The following SFMBT1 variants were observed in gnomAD, a reference collection of about 807,000 sequenced individuals.
SFMBT1 encodes Scm like with four mbt domains 1, also known as scm-like with four MBT domains protein 1.
SFMBT1 carries 32 observed loss-of-function variants against 108.7 expected under a neutral mutation model. The ratio of observed to expected loss-of-function variants is 0.29; its 90% CI spans 0.22 to 0.40. The LOEUF (loss-of-function observed/expected upper bound fraction) is 0.40, where lower values mean the gene tolerates loss of function less well. Among genes scored for constraint, SFMBT1 ranks in the 10% least tolerant of loss-of-function variants. The pLI is 1.00. For missense variants in SFMBT1, 816 were observed against 1,059.6 expected, an observed-to-expected ratio of 0.77 and a Z score of 3.19; for synonymous variants, 348 against 369.5, an observed-to-expected ratio of 0.94 and a Z score of 0.67.
intron 1 of SFMBT1, among the ~76,000 whole-genome samples, chr3:53,007,992 G>T (rs1244063310): frequency 6.6e-6 from 1 of 151,246 alleles, no homozygotes; most frequent in Non-Finnish European, 1.5e-5. Flanking sequence ...AAAGTCAAAA[G>T]AAGGCTGAGA....
chr3:52,977,795 A>G (rs1303856174), intron 1 of SFMBT1, among the ~76,000 whole-genome samples: 1 of 152,224 alleles, frequency 6.6e-6, no homozygotes, highest in African/African-American at 2.4e-5. Flanking sequence ...ATACATCCAA[A>G]TCATTAACAG....
intron 10 of SFMBT1, among the ~76,000 whole-genome samples, chr3:52,924,923 T>C (rs1702616390): frequency 6.6e-6 from 1 of 151,928 alleles, no homozygotes; most frequent in South Asian, 2.1e-4. Context: ...AAAGAAACAA[T>C]CATAAAATAC....
chr3:53,020,160 A>C (rs1253439327), intron 1 of SFMBT1, among the ~76,000 whole-genome samples: 1 of 151,920 alleles, frequency 6.6e-6, no homozygotes, highest in Non-Finnish European at 1.5e-5. Context: ...AGGCCGAGGC[A>C]GGCGGATCAC....
At chr3:52,978,877 C>T (rs1278670477) in intron 1 of SFMBT1, among the ~76,000 whole-genome samples, 1 of 152,082 alleles carries the variant, frequency 6.6e-6, no homozygotes, top group African/African-American at 2.4e-5. Context: ...TTATACGCTT[C>T]CATTTATATA....
intron 1 of SFMBT1, among the ~76,000 whole-genome samples, chr3:53,038,816 T>C (rs1699945910): frequency 6.6e-6 from 1 of 152,246 alleles, no homozygotes; most frequent in Non-Finnish European, 1.5e-5. Flanking sequence ...GAGTGAAATA[T>C]GGCAAAACCT....
chr3:53,019,915 G>A (rs753788756), intron 1 of SFMBT1, among the ~76,000 whole-genome samples: 10 of 152,042 alleles, frequency 6.6e-5, no homozygotes, highest in Admixed American at 1.3e-4. Context: ...TTACCACTTC[G>A]GCTTCTTTCC....
At chr3:52,948,967 T>C (rs1478935447) in intron 3 of SFMBT1, among the ~76,000 whole-genome samples, 5 of 151,756 alleles carry the variant, frequency 3.3e-5, no homozygotes, top group Non-Finnish European at 1.5e-5. Context: ...CCAGCATCCT[T>C]GCAATTTTTT....
chr3:52,937,062 C>T (rs1302938614), intron 4 of SFMBT1, among the ~76,000 whole-genome samples: 1 of 151,804 alleles, frequency 6.6e-6, no homozygotes, highest in Non-Finnish European at 1.5e-5. Flanking sequence ...AGGATGGTCT[C>T]GATCTCCTGA....
intron 9 of SFMBT1, among the ~76,000 whole-genome samples, chr3:52,927,344 T>C (rs1453861028): frequency 5.3e-5 from 8 of 152,224 alleles, no homozygotes; most frequent in African/African-American, 2.4e-5. Flanking sequence ...TGAATGTTTG[T>C]TGAATGAATA....
chr3:52,980,169 T>C (rs1179448024), intron 1 of SFMBT1, among the ~76,000 whole-genome samples: 1 of 152,198 alleles, frequency 6.6e-6, no homozygotes, highest in Admixed American at 6.5e-5. Context: ...CTGTACATGG[T>C]GTCATTCCCA....
At chr3:52,944,646 A>C (rs907159863) in intron 3 of SFMBT1, among the ~76,000 whole-genome samples, 2 of 151,796 alleles carry the variant, frequency 1.3e-5, no homozygotes, top group African/African-American at 4.8e-5. Context: ...CAGCCTCCTG[A>C]GTAGTTGGGG....
chr3:52,921,569 G>A (rs1425290987), intron 11 of SFMBT1, 136 bp downstream of exon 11: 2 of 941,662 alleles, frequency 2.1e-6, no homozygotes, highest in Non-Finnish European at 3.1e-6. Flanking sequence ...TTCGCTTAGA[G>A]TCTTGCATTA....
At chr3:52,939,067 A>G (rs562621656) in intron 4 of SFMBT1, among the ~76,000 whole-genome samples, 1 of 152,314 alleles carries the variant, frequency 6.6e-6, no homozygotes, top group Admixed American at 6.5e-5. Context: ...GACATAAACC[A>G]TTGTTAATAA....
At chr3:52,941,323 G>C (rs1208840631) in intron 4 of SFMBT1, among the ~76,000 whole-genome samples, 1 of 152,184 alleles carries the variant, frequency 6.6e-6, no homozygotes, top group Non-Finnish European at 1.5e-5. Context: ...GCCAGGCGCG[G>C]TGGCTCACGC....
At position 53,010,970 on chromosome 3, in the gene SFMBT1, GTC is replaced by G. The variant is rs1483670764; in HGVS notation, c.-131+34844_-131+34845del. Among the ~76,000 whole-genome samples the G allele has an allele frequency of 9.9e-5, 15 of 152,258 alleles. No homozygotes were observed. The East Asian group carries it at 2.5e-3, about 25-fold the overall frequency. On this transcript the variant is annotated intron_variant, in intron 1 of 20. Coordinates refer to ENST00000394752, the MANE Select transcript of SFMBT1 (RefSeq NM_016329.4). Reference sequence around the variant, plus strand: ...TTCTTTACCAGCCTGCTAGCAACTTGTCTCTATCTACTACTGAGCACCTCCTT... The same window carrying G: ...TTCTTTACCAGCCTGCTAGCAACTTGTCTATCTACTACTGAGCACCTCCTT...
intron 1 of SFMBT1, among the ~76,000 whole-genome samples, chr3:53,005,612 G>A (rs1410254149): frequency 6.6e-6 from 1 of 152,102 alleles, no homozygotes; most frequent in Non-Finnish European, 1.5e-5. Flanking sequence ...GAGCCCAGCT[G>A]GGATTTAATT....
chr3:52,951,212 A>C (rs1703580267), intron 3 of SFMBT1, among the ~76,000 whole-genome samples: 2 of 65,204 alleles, frequency 3.1e-5, no homozygotes, highest in Non-Finnish European at 6.8e-5. Flanking sequence ...CTTCTCTAAC[A>C]CTCTTTTTTC....
intron 1 of SFMBT1, among the ~76,000 whole-genome samples, chr3:52,981,551 T>A (rs943705260): frequency 1.2e-4 from 16 of 132,092 alleles, no homozygotes; most frequent in African/African-American, 3.7e-4. Flanking sequence ...TTTTTTTTTT[T>A]ACTTTTCTGC....
intron 2 of SFMBT1, among the ~76,000 whole-genome samples, chr3:52,960,329 T>C (rs1250843409): frequency 1.3e-5 from 2 of 151,980 alleles, no homozygotes; most frequent in East Asian, 1.9e-4. Context: ...AGAAGGGAAG[T>C]ACAAAAGAGG....
Sources: gnomAD v4.1 joint callset for allele counts (sites outside exome capture counted in the v4.1 genomes callset) on GRCh38, gnomAD v4.1.1 for gene constraint, MANE v1.5 for transcripts, NCBI Gene and HGNC (gene_info 2026-07-23, HGNC 2026-07-21) for gene names.